SYNE1: variants seen among roughly 807,000 people sequenced by gnomAD.
SYNE1 encodes spectrin repeat containing nuclear envelope protein 1.
SYNE1 carries 616 observed loss-of-function variants against 1,111.0 expected under a neutral mutation model. That is an observed-to-expected ratio of 0.55 (90% CI 0.52 to 0.59). The LOEUF (loss-of-function observed/expected upper bound fraction) is 0.59. Among genes scored for constraint, SYNE1 ranks in the 20% least tolerant of loss-of-function variants. SYNE1 has a pLI of 0.00. For synonymous variants in SYNE1, 3,855 were observed against 3,825.8 expected (o/e 1.01, Z -0.28); for missense variants, 10,006 against 10,417.0 (o/e 0.96, Z 1.72).
Position 152,316,916 on chromosome 6 carries a change from A to G in SYNE1, c.16643T>C (p.Val5548Ala), listed in dbSNP as rs2095739912. The change falls in exon 87 of 146, where the codon GTC (valine) becomes GCC (alanine). Residue 5548 changes from valine (V) to alanine (A), a missense_variant. This residue lies in a region of SYNE1 where 4,955 missense variants were observed against 5,017.2 expected (regional missense o/e 0.99). Coordinates refer to ENST00000367255, the MANE Select transcript of SYNE1 (RefSeq NM_182961.4). ...CCATGCAATAGTTCCATGAGCCAAG[A>G]CTTTAGCTTTTTCAATCCACTTCAA... is the stretch of plus-strand genomic sequence containing the variant. ...LILKWIEKAKVLAHGTIAWNS... is the reference protein window; with the variant it reads ...LILKWIEKAKALAHGTIAWNS... 1 of 1,614,030 alleles carries G rather than the reference A, an allele frequency of 6.2e-7. No individual in the cohort carries two copies. The highest frequency in any genetic ancestry group is 1.3e-5 in the African/African-American group (1 of 74,928).
At chr6:152,401,957 T>C (rs1343950683) in intron 46 of SYNE1, among the ~76,000 whole-genome samples, 1 of 152,238 alleles carries the variant, frequency 6.6e-6, no homozygotes, top group Non-Finnish European at 1.5e-5. Context: ...ATGAAAACTT[T>C]GAACTTAACT....
chr6:152,290,506 A>C (rs2094551587), intron 95 of SYNE1, among the ~76,000 whole-genome samples: 1 of 152,198 alleles, frequency 6.6e-6, no homozygotes, highest in South Asian at 2.1e-4. Context: ...CAGTGAGCCA[A>C]GATCACGTCA....
Position 152,330,689 on chromosome 6 carries a change from C to T in SYNE1, c.13996G>A (p.Val4666Ile). 2 of 1,614,008 alleles carry T rather than the reference C, an allele frequency of 1.2e-6. No individual in the cohort carries two copies. The highest frequency in any genetic ancestry group is 1.7e-6 in the Non-Finnish European group (2 of 1,180,044). Residue 4666 changes from valine to isoleucine, a missense_variant, in exon 78 of 146, where the codon GTC becomes ATC. Val to Ile is a conservative substitution (Grantham distance 29). Around this residue, in one of 7 missense-constraint regions of SYNE1, gnomAD observed 4,955 missense variants for 5,017.2 expected, o/e 0.99. Coordinates refer to ENST00000367255, the MANE Select transcript of SYNE1 (RefSeq NM_182961.4). ...TTCCGAGCAAGAATTGCTTCCTGGA[C>T]TTTATAGAACTTGTCTTTAGCCAAG... is the stretch of plus-strand genomic sequence containing the variant. ...VALAKDKFYK[V>I]QEAILARKEY...
intron 63 of SYNE1, among the ~76,000 whole-genome samples, chr6:152,363,562 A>C (rs1307424691): frequency 1.3e-5 from 2 of 151,882 alleles, no homozygotes; most frequent in Admixed American, 6.6e-5. Context: ...AATAAATTCC[A>C]TTAATCATTT....
chr6:152,244,830 A>C (rs1336920468), intron 105 of SYNE1, among the ~76,000 whole-genome samples, 174 bp from the exon 106 acceptor site: 1 of 152,242 alleles, frequency 6.6e-6, no homozygotes, highest in East Asian at 1.9e-4. Context: ...GGGTATATAG[A>C]AAACAGAAGA....
intron 45 of SYNE1, 93 bp downstream of exon 45, chr6:152,406,918 AAAG>A: frequency 1.1e-6 from 1 of 919,724 alleles, no homozygotes; most frequent in Non-Finnish European, 1.5e-6. Flanking sequence ...ATAAAAGTTA[AAAG>A]AAGAATAAAC....
intron 3 of SYNE1, among the ~76,000 whole-genome samples, chr6:152,560,446 A>C (rs1256227963): frequency 6.6e-6 from 1 of 152,124 alleles, no homozygotes; most frequent in Non-Finnish European, 1.5e-5. Context: ...GTAGTAAGAA[A>C]AAATCTTTCA....
rs946657984 is a variant in SYNE1 at position 152,387,272 on chromosome 6, G to A, written c.8287C>T (p.Gln2763Ter). Residue 2763 changes from glutamine to a stop codon, truncating the protein, a stop_gained, in exon 54 of 146, where the codon CAG (glutamine) becomes TAG (stop). Coordinates refer to ENST00000367255, the MANE Select transcript of SYNE1 (RefSeq NM_182961.4). LOFTEE classifies it high-confidence loss of function. ...ACGAACTTCTCTTTCAGACCTGGCT[G>A]TGGTTGTAAGGGATGTTCTATTTTT... ...DQKIEHPLQP[Q>*]PGLKEKFVLL... 1.2e-6 allele frequency: 2 copies of A among 1,614,210 alleles called. No individual in the cohort carries two copies. Among genetic ancestry groups the A allele is most frequent in the Non-Finnish European group, 1.7e-6 (2 of 1,180,042 alleles).
At chr6:152,540,112 A>T in intron 3 of SYNE1, 91 bp from the exon 4 acceptor site, 2 of 1,281,262 alleles carry the variant, frequency 1.6e-6, no homozygotes, top group Non-Finnish European at 2.3e-6. Flanking sequence ...TCTGGAAGGA[A>T]TCGTGAAATC....
At chr6:152,466,949 A>G (rs1159891084) in intron 16 of SYNE1, among the ~76,000 whole-genome samples, 2 of 152,114 alleles carry the variant, frequency 1.3e-5, no homozygotes, top group African/African-American at 2.4e-5. Context: ...GCCTTCAAAA[A>G]CCAGCTGAAT....
chr6:152,321,134 T>C, intron 84 of SYNE1, 104 bp downstream of exon 84: 1 of 1,319,004 alleles, frequency 7.6e-7, no homozygotes, highest in Non-Finnish European at 1.0e-6. Flanking sequence ...TTTTTTTAAC[T>C]CTGTCTCCAA....
In SYNE1 at chr6:152,234,711, G is replaced by A. The variant is rs2083590976; in HGVS notation, c.20486C>T (p.Pro6829Leu). ...ATCACGGACCATTTCCAGCTCTTGT[G>A]GGACTGTCACAGATTGCTGAGTCCA... Reference protein sequence around the residue: ...EFWTQQSVTVPQELEMVRDHL... With the variant: ...EFWTQQSVTVLQELEMVRDHL... Residue 6829 changes from proline to leucine, a missense_variant, in exon 111 of 146, where the codon CCA becomes CTA. Coordinates refer to ENST00000367255, the MANE Select transcript of SYNE1 (RefSeq NM_182961.4). The A allele has an allele frequency of 1.2e-6, 2 of 1,614,202 alleles. No individual in the cohort carries two copies. Among genetic ancestry groups the A allele is most frequent in the East Asian group, 4.5e-5 (2 of 44,888 alleles).
intron 41 of SYNE1, among the ~76,000 whole-genome samples, chr6:152,414,057 T>C (rs974910750): frequency 6.6e-6 from 1 of 151,170 alleles, no homozygotes; most frequent in Non-Finnish European, 1.5e-5. Flanking sequence ...AAGATTACCA[T>C]AAGGAAATGA....
chr6:152,532,447 A>G (rs1269133181), intron 4 of SYNE1, among the ~76,000 whole-genome samples: 1 of 152,212 alleles, frequency 6.6e-6, no homozygotes, highest in Non-Finnish European at 1.5e-5. Context: ...CCTATGGCTT[A>G]ATATTTGTGA....
chr6:152,439,900 G>C (rs1347841833), intron 32 of SYNE1, among the ~76,000 whole-genome samples: 1 of 152,112 alleles, frequency 6.6e-6, no homozygotes, highest in Non-Finnish European at 1.5e-5. Context: ...GTAGGGTTGG[G>C]TTCACCAAGT....
chr6:152,151,439 C>A, intron 135 of SYNE1, 114 bp downstream of exon 135: 2 of 1,368,884 alleles, frequency 1.5e-6, no homozygotes, highest in East Asian at 2.3e-5. Context: ...TTTTTGCAGT[C>A]CAGAACTAAT....
rs1554439107 is a variant in SYNE1 at position 152,154,885 on chromosome 6, A to G, written c.24129+7T>C. 1.2e-6 allele frequency: 2 copies of G among 1,613,974 alleles called. No homozygotes were observed. Among genetic ancestry groups the G allele is most frequent in the South Asian group, 1.1e-5 (1 of 91,080 alleles). ...ATAAGGATTAAAAATTTGGAATTATAGATTACCTCAAATTTCTTTAGTTCT... is the reference window on the plus strand; with the variant it reads ...ATAAGGATTAAAAATTTGGAATTATGGATTACCTCAAATTTCTTTAGTTCT... On this transcript the variant is annotated splice_region_variant and intron_variant, in intron 133 of 145. Coordinates refer to ENST00000367255, the MANE Select transcript of SYNE1 (RefSeq NM_182961.4).
chr6:152,138,060 T>A (rs17082182), intron 140 of SYNE1, among the ~76,000 whole-genome samples: 1,650 of 152,260 alleles, frequency 0.011, 25 homozygotes, highest in African/African-American at 0.038. Context: ...GGACTCTAGA[T>A]AAAAATGCAT....
At chr6:152,623,708 A>T (rs1054598417) in intron 3 of SYNE1, among the ~76,000 whole-genome samples, 2 of 152,172 alleles carry the variant, frequency 1.3e-5, no homozygotes, top group African/African-American at 4.8e-5. Context: ...GGCAAAAAAC[A>T]TGAACAGACA....
Sources: gnomAD v4.1 joint callset for allele counts (sites outside exome capture counted in the v4.1 genomes callset) on GRCh38, gnomAD v4.1.1 for gene constraint, gnomAD v4.1.1 regional missense constraint, MANE v1.5 for transcripts, NCBI Gene and HGNC (gene_info 2026-07-23, HGNC 2026-07-21) for gene names.